Variants in XNDC1N observed in about 807,000 individuals in gnomAD.
The protein encoded by XNDC1N is protein XNDC1N.
At chr11:71,888,481 G>C in the XNDC1N span, among the ~76,000 whole-genome samples, 2 of 152,170 alleles carry the variant, frequency 1.3e-5, no homozygotes, top group Admixed American at 1.3e-4. Flanking sequence ...GAAAACCTCT[G>C]GCAGCCCCAG....
the XNDC1N span, chr11:71,917,522 CCA>C: frequency 7.1e-6 from 5 of 702,860 alleles, no homozygotes. Context: ...AGGCTCCCTC[CCA>C]CAGTCTACAC....
chr11:71,917,591 C>T, the XNDC1N span: 5 of 703,664 alleles, frequency 7.1e-6, no homozygotes, highest in Non-Finnish European at 1.3e-5. Flanking sequence ...TAAAGACCAC[C>T]CCCATCTTTT....
chr11:71,892,546 A>G, the XNDC1N span, among the ~76,000 whole-genome samples: 1,295 of 151,908 alleles, frequency 8.5e-3, 11 homozygotes, highest in African/African-American at 0.03. Flanking sequence ...CGCCCACTCT[A>G]CTTTCAGGAG....
chr11:71,898,621 T>G, the XNDC1N span, among the ~76,000 whole-genome samples: 1 of 152,026 alleles, frequency 6.6e-6, no homozygotes, highest in Non-Finnish European at 1.5e-5. Context: ...ACAAAACAAT[T>G]AAATACAGTA....
At chr11:71,910,066 C>G in the XNDC1N span, among the ~76,000 whole-genome samples, 1 of 151,984 alleles carries the variant, frequency 6.6e-6, no homozygotes, top group Admixed American at 6.6e-5. Flanking sequence ...AAACAGGACC[C>G]GGTCCCCAGA....
chr11:71,866,938 A>T, the XNDC1N span, among the ~76,000 whole-genome samples: 21 of 152,246 alleles, frequency 1.4e-4, no homozygotes, highest in African/African-American at 3.9e-4. Context: ...AATACTTGAA[A>T]ATAGTCCAAG....
the XNDC1N span, chr11:71,918,959 G>C: frequency 2.0e-5 from 14 of 702,880 alleles, no homozygotes; most frequent in Admixed American, 2.2e-4. Context: ...CTTGTCCTGA[G>C]GGCAGCCGAG....
the XNDC1N span, among the ~76,000 whole-genome samples, chr11:71,871,601 A>C: frequency 6.6e-5 from 10 of 152,218 alleles, no homozygotes; most frequent in African/African-American, 2.4e-4. Context: ...TCCACATTGA[A>C]TTCATAAATC....
At chr11:71,900,975 C>G in the XNDC1N span, among the ~76,000 whole-genome samples, 6 of 152,160 alleles carry the variant, frequency 3.9e-5, no homozygotes, top group Non-Finnish European at 7.3e-5. Flanking sequence ...CTCTCAAATC[C>G]TCGTCACTCA....
At chr11:71,870,897 G>A in the XNDC1N span, among the ~76,000 whole-genome samples, 2 of 152,198 alleles carry the variant, frequency 1.3e-5, no homozygotes, top group African/African-American at 4.8e-5. Flanking sequence ...TGTGGGAGAG[G>A]ATGTGTAGAA....
the XNDC1N span, among the ~76,000 whole-genome samples, chr11:71,888,748 G>A: frequency 6.6e-6 from 1 of 152,204 alleles, no homozygotes; most frequent in African/African-American, 2.4e-5. Flanking sequence ...GTGCTGTCGT[G>A]ACTTTAATGA....
the XNDC1N span, among the ~76,000 whole-genome samples, chr11:71,897,574 G>A: frequency 6.6e-6 from 1 of 152,228 alleles, no homozygotes; most frequent in Non-Finnish European, 1.5e-5. Context: ...GCATTGGTGA[G>A]ACTAGAGAGA....
the XNDC1N span, among the ~76,000 whole-genome samples, chr11:71,886,838 C>A: frequency 1.3e-5 from 2 of 152,088 alleles, no homozygotes; most frequent in Admixed American, 6.5e-5. Context: ...GATATGCCGA[C>A]CTGTTTGTCA....
At chr11:71,908,775 A>G in the XNDC1N span, among the ~76,000 whole-genome samples, 1 of 152,192 alleles carries the variant, frequency 6.6e-6, no homozygotes, top group East Asian at 1.9e-4. Flanking sequence ...ACAGCGAAGA[A>G]AGGCGGAGAG....
chr11:71,918,851 C>A, the XNDC1N span: 1 of 700,646 alleles, frequency 1.4e-6, no homozygotes, highest in South Asian at 1.5e-5. Flanking sequence ...TTCCTGTGTT[C>A]TTCCTCAAGG....
chr11:71,905,545 C>T, the XNDC1N span, among the ~76,000 whole-genome samples: 1 of 151,990 alleles, frequency 6.6e-6, no homozygotes, highest in Non-Finnish European at 1.5e-5. Flanking sequence ...GCAGCAACAT[C>T]TTTCTAGGAG....
At chr11:71,884,913 CT>C in the XNDC1N span, among the ~76,000 whole-genome samples, 3 of 149,898 alleles carry the variant, frequency 2.0e-5, no homozygotes, top group East Asian at 3.9e-4. Context: ...CTTCTTGCCC[CT>C]CTGACTCTTA....
chr11:71,876,184 T>G, the XNDC1N span, among the ~76,000 whole-genome samples: 1 of 152,182 alleles, frequency 6.6e-6, no homozygotes, highest in African/African-American at 2.4e-5. Flanking sequence ...AAATCTGGTG[T>G]CTTCCTGGAG....
the XNDC1N span, among the ~76,000 whole-genome samples, chr11:71,891,623 T>G: frequency 6.6e-6 from 1 of 152,102 alleles, no homozygotes; most frequent in African/African-American, 2.4e-5. Flanking sequence ...ATCATTCTTT[T>G]CCTTTCTGGA....
Sources: gnomAD v4.1 joint callset for allele counts (sites outside exome capture counted in the v4.1 genomes callset) on GRCh38, gnomAD v4.1.1 for gene constraint, MANE v1.5 for transcripts, NCBI Gene and HGNC (gene_info 2026-07-23, HGNC 2026-07-21) for gene names.